The following NADK2 variants were observed in gnomAD, a reference collection of about 807,000 sequenced individuals.
NADK2 encodes the protein NAD kinase domain-containing protein 1, mitochondrial.
Under a neutral mutation model 62.1 loss-of-function variants are expected in NADK2, and 35 were observed. That is an observed-to-expected ratio of 0.56 (90% CI 0.43 to 0.75). The LOEUF (loss-of-function observed/expected upper bound fraction) is 0.75. Ranked by LOEUF, NADK2 falls within the 30% of genes least tolerant of loss-of-function variation. The pLI, the probability that NADK2 is intolerant of heterozygous loss-of-function variation, is 0.00. For missense variants in NADK2, 439 were observed against 561.3 expected (o/e 0.78, Z 2.20); for synonymous variants, 205 against 207.9 (o/e 0.99, Z 0.12).
chr5:36,196,599 T>C (rs1046234020), intron 11 of NADK2, among the ~76,000 whole-genome samples: 4 of 152,172 alleles, frequency 2.6e-5, no homozygotes, highest in African/African-American at 9.6e-5. Context: ...ATGGTATCTT[T>C]GGATTACTGG....
Position 36,225,560 on chromosome 5 carries a change from A to G in NADK2, c.542T>C (p.Val181Ala). The stretch of plus-strand genomic sequence containing the variant: ...TTCTTACCGTTCTGGATCAGTGTTT[A>G]CCCCTATAACTGGTTTAAGTCTGTC... The part of the protein sequence containing the change: ...VLDRLKPVIG[V>A]NTDPERSEGH... The change falls in exon 4 of 12, where the codon GTA (valine) becomes GCA (alanine). Residue 181 changes from valine to alanine, a missense_variant. Val to Ala is a moderately conservative substitution (Grantham distance 64). Coordinates refer to ENST00000381937, the MANE Select transcript of NADK2 (RefSeq NM_001085411.3). The G allele has an allele frequency of 6.2e-7, 1 of 1,613,640 alleles. No individual in the cohort carries two copies. Among genetic ancestry groups the G allele is most frequent in the Non-Finnish European group, 8.5e-7 (1 of 1,179,690 alleles).
Position 36,226,476 on chromosome 5 carries a change from T to G in NADK2, c.477A>C (p.Gly159=), listed in dbSNP as rs1453529870. 1 of 1,609,872 alleles carries G rather than the reference T, an allele frequency of 6.2e-7. No individual in the cohort carries two copies. The highest frequency in any genetic ancestry group is 1.1e-5 in the South Asian group (1 of 90,972). The change falls in exon 3 of 12, where the codon GGA becomes GGC. Residue 159 remains glycine, a splice_region_variant and synonymous_variant. Transcript: ENST00000381937. ...TCTTTACTTCTGTCAAATTATTACC[T>G]CCTGCAGCTATGACAGCATCTGCCC... is the stretch of plus-strand genomic sequence containing the variant. ...VRWADAVIAA[G]GDGTMLLAAS... is the part of the protein sequence containing the mutation.
At position 36,209,991 on chromosome 5, in the gene NADK2, T is replaced by C. The variant is rs908323775; in HGVS notation, c.860+1853A>G. Among the ~76,000 whole-genome samples the C allele has an allele frequency of 2.0e-4, 30 of 152,310 alleles. No homozygotes were observed. The East Asian group carries it at 5.6e-3, about 28-fold the overall frequency. On this transcript the variant is annotated intron_variant, in intron 7 of 11. Coordinates refer to ENST00000381937, the MANE Select transcript of NADK2 (RefSeq NM_001085411.3). The stretch of plus-strand genomic sequence containing the variant: ...TGAGTCATTGGCTACAATGTGAATA[T>C]CTTTTTTAGTTAAGACAAATTTTTC...
chr5:36,202,477 A>G (rs1746484662), intron 8 of NADK2, among the ~76,000 whole-genome samples: 1 of 152,116 alleles, frequency 6.6e-6, no homozygotes, highest in Admixed American at 6.6e-5. Flanking sequence ...GGATAATGGG[A>G]CAATTCAGAG....
At chr5:36,203,133 T>C (rs188446173) in intron 8 of NADK2, among the ~76,000 whole-genome samples, 5 of 152,244 alleles carry the variant, frequency 3.3e-5, no homozygotes, top group Non-Finnish European at 5.9e-5. Flanking sequence ...ACTTCACCAT[T>C]TATTAGCCAC....
chr5:36,221,079 G>C (rs1747249503), intron 4 of NADK2: 1 of 152,234 alleles, frequency 6.6e-6, no homozygotes, highest in African/African-American at 2.4e-5. Context: ...GGGCAGGGAG[G>C]AGTACATTAA....
intron 1 of NADK2, among the ~76,000 whole-genome samples, chr5:36,235,928 C>A (rs1015719045): frequency 6.6e-6 from 1 of 150,530 alleles, no homozygotes; most frequent in African/African-American, 2.4e-5. Flanking sequence ...TTTCCTAAAG[C>A]GTGAAATAAC....
chr5:36,232,131 T>C (rs1424146522), intron 1 of NADK2, among the ~76,000 whole-genome samples: 4 of 152,144 alleles, frequency 2.6e-5, no homozygotes, highest in Admixed American at 6.5e-5. Context: ...AAGCAAGATT[T>C]TGAATGGATA....
At chr5:36,222,128 G>A (rs181646712) in intron 4 of NADK2, among the ~76,000 whole-genome samples, 58 of 152,238 alleles carry the variant, frequency 3.8e-4, no homozygotes, top group African/African-American at 1.3e-3. Flanking sequence ...AATATATAGG[G>A]ATAAGTGCTT....
intron 7 of NADK2, chr5:36,208,669 T>C: frequency 6.5e-7 from 1 of 1,533,434 alleles, no homozygotes; most frequent in Non-Finnish European, 8.7e-7. Context: ...TGTCCACTGC[T>C]ACAGCCCAAG....
At chr5:36,227,782 T>C (rs1747537685) in intron 1 of NADK2, among the ~76,000 whole-genome samples, 1 of 151,970 alleles carries the variant, frequency 6.6e-6, no homozygotes, top group Non-Finnish European at 1.5e-5. Context: ...GTTTTCTGAA[T>C]CATATAGTCA....
intron 1 of NADK2, among the ~76,000 whole-genome samples, chr5:36,239,169 CCA>C (rs1458224733): frequency 5.9e-5 from 9 of 152,310 alleles, no homozygotes; most frequent in African/African-American, 2.2e-4. Flanking sequence ...TTATATCCAT[CCA>C]ATTCACATGA....
rs1023528363 is a variant in NADK2 at position 36,236,241 on chromosome 5, T to C, written c.300+5258A>G. On this transcript the variant is annotated intron_variant, in intron 1 of 11. Transcript: ENST00000381937. ...GGCTGTGAAGCATGTTGGTCAATGA[T>C]TCTCTAATGGTGACACTTCAGCTAC... Among the ~76,000 whole-genome samples the C allele has an allele frequency of 2.6e-5, 4 of 152,234 alleles. No homozygotes were observed. In the East Asian group the frequency reaches 7.7e-4, roughly 29 times the overall value.
chr5:36,206,836 T>G (rs1219702812), intron 8 of NADK2, among the ~76,000 whole-genome samples: 1 of 151,778 alleles, frequency 6.6e-6, no homozygotes, highest in Non-Finnish European at 1.5e-5. Flanking sequence ...TATACAAACC[T>G]CCAGCCTACT....
rs1412768590 is a variant in NADK2 at position 36,241,034 on chromosome 5, C to A, written c.300+465G>T. Among the ~76,000 whole-genome samples the A allele has an allele frequency of 2.0e-5, 3 of 152,222 alleles. No individual in the cohort carries two copies. The highest frequency in any genetic ancestry group is 6.5e-5 in the Admixed American group (1 of 15,280). On this transcript the variant is annotated intron_variant, in intron 1 of 11. Coordinates refer to ENST00000381937, the MANE Select transcript of NADK2 (RefSeq NM_001085411.3). The surrounding 1 kb of genome is among the most constrained non-coding windows in gnomAD (Gnocchi z 4.9). ...GGTTGTTTCGGCCCTTTTCCCCCGG[C>A]AGCCCTCAGCGGCGCCCTGGGCCCC...
At chr5:36,209,148 G>A (rs1403444529) in intron 7 of NADK2, among the ~76,000 whole-genome samples, 1 of 152,114 alleles carries the variant, frequency 6.6e-6, no homozygotes, top group Non-Finnish European at 1.5e-5. Context: ...AACAGCATCA[G>A]AAGCCAATCC....
At chr5:36,219,550 T>C (rs759120294) in intron 5 of NADK2, 46 bp downstream of exon 5, 10 of 1,507,370 alleles carry the variant, frequency 6.6e-6, no homozygotes, top group Non-Finnish European at 9.2e-7. Flanking sequence ...TAATGGCACA[T>C]ACTTATTAAG....
At chr5:36,198,643 T>TAC (rs1746322144) in intron 10 of NADK2, among the ~76,000 whole-genome samples, 1 of 148,378 alleles carries the variant, frequency 6.7e-6, no homozygotes, top group Non-Finnish European at 1.5e-5. Flanking sequence ...TTTATATATA[T>TAC]ACCTGATATA....
chr5:36,224,484 G>A (rs1043986785), intron 4 of NADK2, among the ~76,000 whole-genome samples: 1 of 151,322 alleles, frequency 6.6e-6, no homozygotes, highest in Non-Finnish European at 1.5e-5. Context: ...TTGAACCCAG[G>A]AGGCAGAGGT....
Sources: allele counts gnomAD v4.1 joint callset (sites outside exome capture counted in the v4.1 genomes callset), GRCh38; gene constraint gnomAD v4.1.1; non-coding constraint Gnocchi (gnomAD v3.1); transcripts MANE v1.5; gene names NCBI Gene and HGNC (gene_info 2026-07-23, HGNC 2026-07-21).